Variants in TGS1 observed in about 807,000 individuals in gnomAD.
The protein encoded by TGS1 is trimethylguanosine synthase.
A neutral mutation model predicts 92.2 loss-of-function variants in TGS1; 69 were observed. That is an observed-to-expected ratio of 0.75 (90% confidence interval 0.62 to 0.91). TGS1 has a LOEUF of 0.91. TGS1 is among the 40% of genes least tolerant of loss of function. The pLI, the probability that TGS1 is intolerant of heterozygous loss-of-function variation, is 0.00. For missense variants in TGS1, 1,062 were observed against 1,001.2 expected, an observed-to-expected ratio of 1.06 and a Z score of -0.82; for synonymous variants, 345 against 338.1, an observed-to-expected ratio of 1.02 and a Z score of -0.22.
chr8:55,806,245 A>G (rs779051011), intron 10 of TGS1, among the ~76,000 whole-genome samples: 3 of 151,020 alleles, frequency 2.0e-5, no homozygotes, highest in African/African-American at 7.3e-5. Flanking sequence ...AGTCCCAGCT[A>G]CTCAGGAGGC....
intron 10 of TGS1, among the ~76,000 whole-genome samples, chr8:55,809,676 C>T (rs1379235905): frequency 6.6e-6 from 1 of 152,124 alleles, no homozygotes; most frequent in Non-Finnish European, 1.5e-5. Context: ...CTCAAGGGGT[C>T]CACCCGCCTC....
Position 55,773,512 on chromosome 8 carries a change from A to C in TGS1, c.-107A>C. The C allele has an allele frequency of 1.3e-6, 1 of 789,604 alleles. No homozygotes were observed. 48.9% of individuals were successfully genotyped at this position (789,604 alleles called of 1,614,324 possible). A position where few individuals can be genotyped will look rare whatever the true frequency, so the allele number is the denominator to read the frequency against. ...GCCGCGGGCCAGTTTCTATCTCCTCATCCAGGGCTTGCGGGCGAGGCCTGT... is the reference window on the plus strand; with the variant it reads ...GCCGCGGGCCAGTTTCTATCTCCTCCTCCAGGGCTTGCGGGCGAGGCCTGT... On this transcript the variant is annotated 5_prime_UTR_variant, in exon 1 of 13. Coordinates refer to ENST00000260129, the MANE Select transcript of TGS1 (RefSeq NM_024831.8).
At chr8:55,782,150 ATTT>A (rs869184063) in intron 1 of TGS1, among the ~76,000 whole-genome samples, 10,674 of 145,874 alleles carry the variant, frequency 0.073, 567 homozygotes, top group African/African-American at 0.12. Context: ...CTTACACTTT[ATTT>A]ATTTATTTAT....
At chr8:55,787,135 C>A in intron 4 of TGS1, 75 bp downstream of exon 4, 1 of 1,002,950 alleles carries the variant, frequency 1.0e-6, no homozygotes, top group Non-Finnish European at 1.5e-6. Context: ...AACTACTAAT[C>A]CTTTATTGTA....
chr8:55,818,931 T>C (rs1803558233), intron 12 of TGS1, among the ~76,000 whole-genome samples: 1 of 152,144 alleles, frequency 6.6e-6, no homozygotes, highest in Non-Finnish European at 1.5e-5. Flanking sequence ...ACTGGTTGTT[T>C]TTGGGTTTTG....
Position 55,790,269 on chromosome 8 carries a change from C to G in TGS1, c.1250C>G (p.Pro417Arg), listed in dbSNP as rs146907949. 506 of 1,613,960 alleles carry G rather than the reference C, an allele frequency of 3.1e-4. 1 individual carries two copies. Among genetic ancestry groups the G allele is most frequent in the Non-Finnish European group, 2.3e-4 (273 of 1,179,870 alleles). Residue 417 changes from proline (P) to arginine (R), a missense_variant, in exon 5 of 13, where the codon CCT becomes CGT. Coordinates refer to ENST00000260129, the MANE Select transcript of TGS1 (RefSeq NM_024831.8). ...GGAGATGAAAGTGAGGAAGACCCAC[C>G]TGAGCATAAGCCAAGCAAACTGAAG... ...TDGDESEEDP[P>R]EHKPSKLKRS... is the part of the protein sequence containing the mutation.
At chr8:55,816,709 C>A (rs1483747493) in intron 12 of TGS1, among the ~76,000 whole-genome samples, 2 of 152,140 alleles carry the variant, frequency 1.3e-5, no homozygotes, top group African/African-American at 4.8e-5. Context: ...CATGGCTTCC[C>A]CAGGCACATG....
chr8:55,808,809 C>T (rs1803261376), intron 10 of TGS1, among the ~76,000 whole-genome samples: 1 of 152,292 alleles, frequency 6.6e-6, no homozygotes, highest in Non-Finnish European at 1.5e-5. Flanking sequence ...CACCCCTAGC[C>T]TGTAGTGGGG....
intron 6 of TGS1, 104 bp from the exon 7 acceptor site, chr8:55,795,874 A>C (rs1185171149): frequency 5.9e-6 from 5 of 842,328 alleles, no homozygotes; most frequent in Non-Finnish European, 9.5e-6. Flanking sequence ...AGGGAATTAA[A>C]ATGGTGTAAA....
In TGS1 at chr8:55,789,206, T is replaced by A. The variant is rs533319895; in HGVS notation, c.1163-976T>A. Among the ~76,000 whole-genome samples the A allele has an allele frequency of 1.2e-3, 190 of 152,348 alleles. 1 individual carries two copies. Among genetic ancestry groups the A allele is most frequent in the African/African-American group, 4.3e-3 (180 of 41,580 alleles). ...CTTCCCACTGTCTACCCTGCAGACATCTTTTTCCTCCTGGTCTCAGCCACC... is the reference window on the plus strand; with the variant it reads ...CTTCCCACTGTCTACCCTGCAGACAACTTTTTCCTCCTGGTCTCAGCCACC... On this transcript the variant is annotated intron_variant, in intron 4 of 12. Transcript: ENST00000260129.
chr8:55,792,062 T>C (rs1811902042), intron 5 of TGS1, among the ~76,000 whole-genome samples: 1 of 152,222 alleles, frequency 6.6e-6, no homozygotes, highest in Admixed American at 6.5e-5. Context: ...ACTCCCCAGT[T>C]CCTGCTAGTT....
intron 6 of TGS1, among the ~76,000 whole-genome samples, chr8:55,794,117 G>A (rs2130161633): frequency 6.6e-6 from 1 of 152,266 alleles, no homozygotes; most frequent in East Asian, 1.9e-4. Context: ...TGTTTCCTAA[G>A]ATCTAAGCAT....
At position 55,786,238 on chromosome 8, in the gene TGS1, G is replaced by T. The variant is rs760174445; in HGVS notation, c.340G>T (p.Val114Leu). The part of the protein sequence containing the change: ...GRITAHKDFE[V>L]SMNTRNKVKI... Reference sequence around the variant, plus strand: ...TATTCAAGTTATTTATCTGATATAGGTATCTATGAATACTAGAAATAAAGT... The same window carrying T: ...TATTCAAGTTATTTATCTGATATAGTTATCTATGAATACTAGAAATAAAGT... Residue 114 changes from valine (V) to leucine (L), a missense_variant and splice_region_variant, in exon 4 of 13, where the codon GTA (valine) becomes TTA (leucine). By Grantham distance (32) the Val-to-Leu change is conservative. Transcript: ENST00000260129. 3 of 1,293,912 alleles carry T rather than the reference G, an allele frequency of 2.3e-6. No individual in the cohort carries two copies. Among genetic ancestry groups the T allele is most frequent in the South Asian group, 1.4e-5 (1 of 70,022 alleles). 80.2% of individuals were successfully genotyped at this position (1,293,912 alleles called of 1,614,324 possible). A position where few individuals can be genotyped will look rare whatever the true frequency, so the allele number is the denominator to read the frequency against.
At chr8:55,796,268 A>G in intron 7 of TGS1, 116 bp downstream of exon 7, 2 of 633,308 alleles carry the variant, frequency 3.2e-6, no homozygotes, top group East Asian at 6.7e-5. Context: ...AAGGTACATA[A>G]TTTTTTTTTT....
intron 4 of TGS1, among the ~76,000 whole-genome samples, chr8:55,788,407 C>T (rs1191207598): frequency 6.6e-6 from 1 of 151,084 alleles, no homozygotes; most frequent in African/African-American, 2.4e-5. Flanking sequence ...GAGCCTACCT[C>T]AGTATAATAT....
intron 12 of TGS1, among the ~76,000 whole-genome samples, chr8:55,816,503 A>G (rs1255848907): frequency 6.6e-6 from 1 of 152,200 alleles, no homozygotes; most frequent in African/African-American, 2.4e-5. Context: ...GACATAAAAC[A>G]TCTAGTCTCA....
chr8:55,773,528 C>A lies in TGS1; in HGVS notation c.-91C>A. On this transcript the variant is annotated 5_prime_UTR_variant, in exon 1 of 13. Coordinates refer to ENST00000260129, the MANE Select transcript of TGS1 (RefSeq NM_024831.8). Reference sequence around the variant, plus strand: ...TATCTCCTCATCCAGGGCTTGCGGGCGAGGCCTGTTTTAAGTCTCCAGTAA... The same window carrying A: ...TATCTCCTCATCCAGGGCTTGCGGGAGAGGCCTGTTTTAAGTCTCCAGTAA... The A allele has an allele frequency of 1.1e-6, 1 of 924,136 alleles. No individual in the cohort carries two copies. Among genetic ancestry groups the A allele is most frequent in the Non-Finnish European group, 1.6e-6 (1 of 610,870 alleles). 57.2% of individuals were successfully genotyped at this position (924,136 alleles called of 1,614,324 possible). A position where few individuals can be genotyped will look rare whatever the true frequency, so the allele number is the denominator to read the frequency against.
intron 10 of TGS1, among the ~76,000 whole-genome samples, chr8:55,807,529 T>C (rs1803205432): frequency 6.6e-6 from 1 of 151,428 alleles, no homozygotes; most frequent in South Asian, 2.1e-4. Flanking sequence ...TGCTTTTTTC[T>C]TGTTTGTTTT....
intron 11 of TGS1, among the ~76,000 whole-genome samples, chr8:55,811,329 G>A (rs1204831598): frequency 6.6e-6 from 1 of 151,920 alleles, no homozygotes; most frequent in Non-Finnish European, 1.5e-5. Flanking sequence ...TGGGCATGGT[G>A]GCACATGCCT....
Sources: gnomAD v4.1 joint callset for allele counts (sites outside exome capture counted in the v4.1 genomes callset) on GRCh38, gnomAD v4.1.1 for gene constraint, MANE v1.5 for transcripts, NCBI Gene and HGNC (gene_info 2026-07-23, HGNC 2026-07-21) for gene names.